The following NASP variants were observed in gnomAD, a reference collection of about 807,000 sequenced individuals.
NASP encodes the protein nuclear autoantigenic sperm protein.
In NASP, 24 loss-of-function variants were observed where a neutral mutation model predicts 89.5. That is an observed-to-expected ratio of 0.27 (90% CI 0.19 to 0.38). The LOEUF (loss-of-function observed/expected upper bound fraction) is 0.38, where lower values mean the gene tolerates loss of function less well. NASP is among the 10% of genes least tolerant of loss of function. The pLI is 1.00. For missense variants in NASP, 848 were observed against 921.4 expected (o/e 0.92, Z 1.03); for synonymous variants, 306 against 324.7 (o/e 0.94, Z 0.62).
chr1:45,597,137 T>A (rs1192567098), intron 2 of NASP, among the ~76,000 whole-genome samples: 1 of 151,868 alleles, frequency 6.6e-6, no homozygotes, highest in African/African-American at 2.4e-5. Context: ...GGTGAAACCG[T>A]CTCTACTAAA....
Position 45,613,246 on chromosome 1 carries a change from A to G in NASP, c.1504A>G (p.Lys502Glu). 1 of 1,610,232 alleles carries G rather than the reference A, an allele frequency of 6.2e-7. No individual in the cohort carries two copies. Among genetic ancestry groups the G allele is most frequent in the Non-Finnish European group, 8.5e-7 (1 of 1,178,172 alleles). Residue 502 changes from lysine to glutamate, a missense_variant and splice_region_variant, in exon 7 of 15, where the codon AAG becomes GAG. Transcript: ENST00000350030. ...EMPNDSVLEN[K>E]SLQENEEEEI... ...GCCAAATGATTCAGTCCTTGAAAACAAGGTATGTTGTTAGCCACTCAGTAC... is the reference window on the plus strand; with the variant it reads ...GCCAAATGATTCAGTCCTTGAAAACGAGGTATGTTGTTAGCCACTCAGTAC...
intron 2 of NASP, among the ~76,000 whole-genome samples, chr1:45,595,570 T>C (rs1643676056): frequency 6.6e-6 from 1 of 152,208 alleles, no homozygotes; most frequent in African/African-American, 2.4e-5. Flanking sequence ...CAGTACTCTT[T>C]CAGGGATAAT....
chr1:45,604,381 T>C (rs968227950), intron 3 of NASP, among the ~76,000 whole-genome samples: 6 of 152,254 alleles, frequency 3.9e-5, no homozygotes, highest in African/African-American at 1.4e-4. Context: ...TGCTTTTACA[T>C]ACATTAACTC....
intron 1 of NASP, among the ~76,000 whole-genome samples, chr1:45,589,686 G>A (rs967681775): frequency 6.6e-6 from 1 of 152,130 alleles, no homozygotes; most frequent in Admixed American, 6.6e-5. Context: ...GATCACTTGA[G>A]GTCAGGAGCT....
At position 45,587,404 on chromosome 1, in the gene NASP, C is replaced by A. The variant is rs546274864; in HGVS notation, c.59+3199C>A. 6.0e-4 allele frequency among the ~76,000 whole-genome samples: 91 copies of A among 151,830 alleles called. 1 individual carries two copies. The highest frequency in any genetic ancestry group is 2.1e-3 in the African/African-American group (87 of 41,474). On this transcript the variant is annotated intron_variant, in intron 1 of 14. Transcript: ENST00000350030. ...CAGGGTGATCTCGAACTCCTGACCT[C>A]AGGTGATCAGCCGGTCTCGGCGTGA...
intron 2 of NASP, among the ~76,000 whole-genome samples, chr1:45,592,043 A>G (rs994059646): frequency 6.6e-6 from 1 of 152,238 alleles, no homozygotes; most frequent in Non-Finnish European, 1.5e-5. Flanking sequence ...GCTGGAGTGC[A>G]GTGGCGCAAT....
In NASP at chr1:45,607,762, T is replaced by A; in HGVS notation, c.851T>A (p.Val284Glu). The A allele has an allele frequency of 6.2e-7, 1 of 1,614,126 alleles. No homozygotes were observed. The change falls in exon 6 of 15, where the codon GTG (valine) becomes GAG (glutamate). Residue 284 changes from valine to glutamate, a missense_variant. Coordinates refer to ENST00000350030, the MANE Select transcript of NASP (RefSeq NM_002482.4). ...GAAGTTTCAGAAGAGCAGCCTGTGG[T>A]GACTCTAGAAAAGCAGGGCACTGCA... is the stretch of plus-strand genomic sequence containing the variant. ...PKEVSEEQPV[V>E]TLEKQGTAVE...
intron 1 of NASP, among the ~76,000 whole-genome samples, chr1:45,590,744 T>A (rs928646766): frequency 2.6e-5 from 4 of 151,012 alleles, no homozygotes; most frequent in Admixed American, 2.6e-4. Context: ...ACATTGTATT[T>A]AAAAAAACCT....
chr1:45,607,282 C>T (rs201359882), intron 5 of NASP, 39 bp from the exon 6 acceptor site: 31 of 1,588,296 alleles, frequency 2.0e-5, no homozygotes, highest in Middle Eastern at 3.3e-4. Context: ...TCATTAAACT[C>T]GAAGACATGT....
chr1:45,601,788 C>T (rs1341014015), intron 2 of NASP, among the ~76,000 whole-genome samples: 1 of 103,590 alleles, frequency 9.7e-6, no homozygotes, highest in Non-Finnish European at 1.8e-5. Flanking sequence ...TGGAGTCTCG[C>T]TTTGTTGACC....
intron 2 of NASP, among the ~76,000 whole-genome samples, chr1:45,593,070 A>G (rs1315391124): frequency 5.3e-5 from 8 of 152,172 alleles, no homozygotes; most frequent in Admixed American, 3.3e-4. Flanking sequence ...AGTAATGGTT[A>G]TTTCCATTTA....
chr1:45,605,127 G>C (rs1198633164), intron 4 of NASP, 111 bp downstream of exon 4: 2 of 789,480 alleles, frequency 2.5e-6, no homozygotes, highest in Middle Eastern at 2.6e-4. Context: ...TTTTGAAGGA[G>C]CTTGAAGTAG....
chr1:45,615,226 G>T (rs1192004515), intron 10 of NASP, 25 bp downstream of exon 10: 4 of 1,612,582 alleles, frequency 2.5e-6, no homozygotes. Flanking sequence ...GCTGCTTCAT[G>T]GTGATGTTGG....
chr1:45,609,699 A>G (rs1643969773), intron 6 of NASP: 1 of 152,198 alleles, frequency 6.6e-6, no homozygotes, highest in Non-Finnish European at 1.5e-5. Context: ...GAACTCTCAT[A>G]CATTACATCT....
In NASP at chr1:45,604,919, G is replaced by A. The variant is rs1478757968; in HGVS notation, c.219-17G>A. 21 of 1,563,502 alleles carry A rather than the reference G, an allele frequency of 1.3e-5. No homozygotes were observed. The highest frequency in any genetic ancestry group is 1.6e-5 in the Non-Finnish European group (18 of 1,138,622). ...TTAGATGGTAATTCAGATTTTAGAT[G>A]TTTATTCTCTTTGTAGAGGTAAGAA... On this transcript the variant is annotated splice_polypyrimidine_tract_variant and intron_variant, in intron 3 of 14. Transcript: ENST00000350030.
rs994993564 is a variant in NASP at position 45,617,556 on chromosome 1, A to G, written c.2251A>G (p.Ser751Gly). The change falls in exon 14 of 15, where the codon AGT (serine) becomes GGT (glycine). Residue 751 changes from serine to glycine, a missense_variant. This residue lies in a region of NASP where 218 missense variants were observed against 219.6 expected (regional missense o/e 0.99). Coordinates refer to ENST00000350030, the MANE Select transcript of NASP (RefSeq NM_002482.4). The part of the protein sequence containing the change: ...VNGGSGDAVP[S>G]GNEVSENMEE... ...CGGAGGCAGTGGGGATGCTGTCCCCAGTGGAAATGAAGTTTCGGAAAACAT... is the reference window on the plus strand; with the variant it reads ...CGGAGGCAGTGGGGATGCTGTCCCCGGTGGAAATGAAGTTTCGGAAAACAT... The G allele has an allele frequency of 6.2e-7, 1 of 1,600,768 alleles. No homozygotes were observed. Among genetic ancestry groups the G allele is most frequent in the African/African-American group, 1.4e-5 (1 of 73,782 alleles).
At chr1:45,601,433 C>T (rs1006059584) in intron 2 of NASP, among the ~76,000 whole-genome samples, 11 of 152,108 alleles carry the variant, frequency 7.2e-5, no homozygotes, top group African/African-American at 2.7e-4. Flanking sequence ...ATTATCCATT[C>T]CTCATTGCAT....
In NASP at chr1:45,599,090, C is replaced by G. The variant is rs76539113; in HGVS notation, c.108-3165C>G. ...CTGTCTAGATTTTTACGGTTTCTTT[C>G]CTTTTTTTTTAAATAGAGAAAGAGT... On this transcript the variant is annotated intron_variant, in intron 2 of 14. Coordinates refer to ENST00000350030, the MANE Select transcript of NASP (RefSeq NM_002482.4). Among the ~76,000 whole-genome samples, 457 of 152,098 alleles carry G rather than the reference C, an allele frequency of 3.0e-3. 3 individuals carry two copies. Among genetic ancestry groups the G allele is most frequent in the East Asian group, 0.022 (113 of 5,176 alleles).
intron 1 of NASP, among the ~76,000 whole-genome samples, chr1:45,586,289 GT>G (rs1234653948): frequency 1.4e-3 from 140 of 99,710 alleles, no homozygotes; most frequent in African/African-American, 5.8e-3. Flanking sequence ...TGTGTGGTGT[GT>G]GTGTGTGTGT....
Sources: gnomAD v4.1 joint callset for allele counts (sites outside exome capture counted in the v4.1 genomes callset) on GRCh38, gnomAD v4.1.1 for gene constraint, gnomAD v4.1.1 regional missense constraint, MANE v1.5 for transcripts, NCBI Gene and HGNC (gene_info 2026-07-23, HGNC 2026-07-21) for gene names.